ATP9A: variants seen among roughly 807,000 people sequenced by gnomAD.
ATP9A encodes probable phospholipid-transporting ATPase IIA.
A neutral mutation model predicts 144.1 loss-of-function variants in ATP9A; 52 were observed. That is an observed-to-expected ratio of 0.36 (90% CI 0.29 to 0.45). ATP9A has a LOEUF of 0.45. Among genes scored for constraint, ATP9A ranks in the 20% least tolerant of loss-of-function variants. The probability of loss-of-function intolerance (pLI) is 1.00; values close to 1 mark genes in which losing one functional copy is unlikely to be tolerated. For synonymous variants in ATP9A, 582 were observed against 557.4 expected (o/e 1.04, Z -0.62); for missense variants, 947 against 1,392.7 (o/e 0.68, Z 5.09).
rs11477336 is a variant in ATP9A at position 51,658,888 on chromosome 20, CGGGGGGGG to C, written c.1294-1746_1294-1739del. Among the ~76,000 whole-genome samples, 63 of 54,852 alleles carry C rather than the reference CGGGGGGGG, an allele frequency of 1.1e-3. 12 individuals carry two copies. In the East Asian group the frequency reaches 0.18, roughly 161 times the overall value. The allele number at this position is 54,852 out of a possible 152,430, so 36.0% of individuals were successfully genotyped here. A position where few individuals can be genotyped will look rare whatever the true frequency, so the allele number is the denominator to read the frequency against. On this transcript the variant is annotated intron_variant, in intron 13 of 27. Transcript: ENST00000338821. ...ATATAATGAAAATTAAGACCACTGGCGGGGGGGGGGGGGGGAAGGCTCATTGTTGAACA... is the reference window on the plus strand; with the variant it reads ...ATATAATGAAAATTAAGACCACTGGCGGGGGGGAAGGCTCATTGTTGAACA...
At chr20:51,648,548 T>C (rs1194378118) in intron 14 of ATP9A, among the ~76,000 whole-genome samples, 1 of 152,190 alleles carries the variant, frequency 6.6e-6, no homozygotes. Flanking sequence ...AAACCTCTTA[T>C]TGGCCCAATG....
chr20:51,676,528 G>A (rs1261241524), intron 9 of ATP9A, among the ~76,000 whole-genome samples: 2 of 152,296 alleles, frequency 1.3e-5, no homozygotes, highest in East Asian at 1.9e-4. Context: ...CCCCAGGCTG[G>A]AATGCAATGG....
At chr20:51,627,264 A>G (rs187141319) in intron 17 of ATP9A, among the ~76,000 whole-genome samples, 2 of 152,292 alleles carry the variant, frequency 1.3e-5, no homozygotes, top group East Asian at 3.9e-4. Context: ...AAATGGTAGC[A>G]CGCGATGACA....
chr20:51,763,553 T>A (rs1396321323), intron 1 of ATP9A, among the ~76,000 whole-genome samples: 1 of 152,128 alleles, frequency 6.6e-6, no homozygotes, highest in African/African-American at 2.4e-5. Flanking sequence ...GACCTCCTGA[T>A]CCGCCCACCT....
rs990376656 is a variant in ATP9A at position 51,610,259 on chromosome 20, C to T, written c.2572-94G>A. On this transcript the variant is annotated intron_variant, in intron 23 of 27. Transcript: ENST00000338821. ...ATAACACCTGATACTTACATAACAC[C>T]CGCGCCGGCACTGCTGTAAGGTACT... The T allele has an allele frequency of 2.0e-5, 20 of 994,482 alleles. 1 individual carries two copies. In the Admixed American group the frequency reaches 3.9e-4, roughly 19 times the overall value. The allele number at this position is 994,482 out of a possible 1,614,324, so 61.6% of individuals were successfully genotyped here. A position where few individuals can be genotyped will look rare whatever the true frequency, so the allele number is the denominator to read the frequency against.
intron 15 of ATP9A, among the ~76,000 whole-genome samples, chr20:51,633,290 G>A (rs533942553): frequency 9.2e-5 from 14 of 152,216 alleles, no homozygotes; most frequent in African/African-American, 3.1e-4. Context: ...AATTCTCATC[G>A]TATACATATA....
chr20:51,716,949 G>A (rs958497829), intron 3 of ATP9A, among the ~76,000 whole-genome samples: 4 of 152,008 alleles, frequency 2.6e-5, no homozygotes, highest in Non-Finnish European at 5.9e-5. Flanking sequence ...CGAGGTGGGC[G>A]GATCACCTGA....
Position 51,720,683 on chromosome 20 carries a change from A to C in ATP9A, c.327+5136T>G, listed in dbSNP as rs546560825. Among the ~76,000 whole-genome samples, 5 of 152,196 alleles carry C rather than the reference A, an allele frequency of 3.3e-5. No individual in the cohort carries two copies. In the South Asian group the frequency reaches 8.3e-4, roughly 25 times the overall value. On this transcript the variant is annotated intron_variant, in intron 3 of 27. Coordinates refer to ENST00000338821, the MANE Select transcript of ATP9A (RefSeq NM_006045.3). ...ACCTCGTCTCTACTAAAAATACAAA[A>C]ATTAGCCGGGTGTGGTAGTGGCTGC...
intron 6 of ATP9A, 106 bp downstream of exon 6, chr20:51,695,987 T>C: frequency 9.5e-7 from 1 of 1,057,436 alleles, no homozygotes; most frequent in Non-Finnish European, 1.4e-6. Context: ...TTTGCCTCCA[T>C]GGCTCCAAAA....
chr20:51,645,779 G>A (rs2077339871), intron 14 of ATP9A, among the ~76,000 whole-genome samples: 3 of 152,140 alleles, frequency 2.0e-5, no homozygotes, highest in South Asian at 4.1e-4. Flanking sequence ...ACAAACATCT[G>A]GGGAGTGAGC....
At chr20:51,767,254 A>G (rs1807073190) in intron 1 of ATP9A, among the ~76,000 whole-genome samples, 1 of 151,612 alleles carries the variant, frequency 6.6e-6, no homozygotes, top group Admixed American at 6.6e-5. Flanking sequence ...GGCCCCGCCC[A>G]ACACCGCGCT....
chr20:51,622,636 C>T (rs868830512), intron 18 of ATP9A, among the ~76,000 whole-genome samples: 4 of 152,160 alleles, frequency 2.6e-5, no homozygotes, highest in Admixed American at 6.5e-5. Flanking sequence ...GCTTATAAAA[C>T]GCTGACCGTA....
chr20:51,749,662 G>C (rs993913715), intron 1 of ATP9A, among the ~76,000 whole-genome samples: 1 of 152,142 alleles, frequency 6.6e-6, no homozygotes, highest in Admixed American at 6.6e-5. Flanking sequence ...AAAGATGCAT[G>C]GTTTTTTTGA....
intron 2 of ATP9A, 131 bp downstream of exon 2, chr20:51,729,703 C>T: frequency 2.8e-6 from 3 of 1,063,638 alleles, no homozygotes; most frequent in East Asian, 3.1e-5. Flanking sequence ...CAAGATTGCG[C>T]CACTGCACTC....
At chr20:51,691,862 G>A (rs1363023529) in intron 7 of ATP9A, among the ~76,000 whole-genome samples, 1 of 152,234 alleles carries the variant, frequency 6.6e-6, no homozygotes, top group Non-Finnish European at 1.5e-5. Flanking sequence ...ATCAGTGGAT[G>A]AATGGATAAA....
chr20:51,671,943 T>A (rs913129698), intron 11 of ATP9A, among the ~76,000 whole-genome samples: 9 of 151,996 alleles, frequency 5.9e-5, no homozygotes, highest in Non-Finnish European at 8.8e-5. Context: ...GGATTACAGG[T>A]GTGTGCCACC....
chr20:51,733,672 CTTT>C (rs55749429), intron 1 of ATP9A, among the ~76,000 whole-genome samples: 3 of 148,952 alleles, frequency 2.0e-5, no homozygotes, highest in African/African-American at 7.4e-5. Context: ...TGTACCTGGC[CTTT>C]TTTTTTTAAT....
intron 3 of ATP9A, among the ~76,000 whole-genome samples, chr20:51,715,619 C>T (rs1031385338): frequency 5.9e-5 from 9 of 152,146 alleles, no homozygotes; most frequent in African/African-American, 2.2e-4. Context: ...TAAATTATCA[C>T]GTCTCCCTTC....
intron 27 of ATP9A, among the ~76,000 whole-genome samples, chr20:51,604,213 C>T (rs182285545): frequency 6.5e-4 from 99 of 152,300 alleles, no homozygotes; most frequent in African/African-American, 2.1e-3. Flanking sequence ...GTGTTCCCAA[C>T]GAGAAGGGCA....
Sources: gnomAD v4.1 joint callset for allele counts (sites outside exome capture counted in the v4.1 genomes callset) on GRCh38, gnomAD v4.1.1 for gene constraint, MANE v1.5 for transcripts, NCBI Gene and HGNC (gene_info 2026-07-23, HGNC 2026-07-21) for gene names.